The following MTAP variants were observed in gnomAD, a reference collection of about 807,000 sequenced individuals.
MTAP encodes the protein S-methyl-5'-thioadenosine phosphorylase.
In MTAP, 33 loss-of-function variants were observed where a neutral mutation model predicts 33.6. The ratio of observed to expected loss-of-function variants is 0.98; its 90% confidence interval spans 0.74 to 1.31. The LOEUF (loss-of-function observed/expected upper bound fraction) is 1.31. MTAP is among the 40% of genes most tolerant of loss of function. The probability of loss-of-function intolerance (pLI) is 0.00; values close to 1 mark genes in which losing one functional copy is unlikely to be tolerated. For synonymous variants in MTAP, 148 were observed against 125.7 expected (o/e 1.18, Z -1.19); for missense variants, 367 against 360.0 (o/e 1.02, Z -0.16).
intron 1 of MTAP, chr9:21,929,802 A>G (rs889687497): frequency 4.6e-6 from 1 of 216,306 alleles, no homozygotes; most frequent in South Asian, 7.8e-5. Context: ...ATCTTTTCTA[A>G]TATCACTTTA....
At chr9:21,913,303 A>T (rs1280112791) in intron 1 of MTAP, among the ~76,000 whole-genome samples, 4 of 152,238 alleles carry the variant, frequency 2.6e-5, no homozygotes, top group Admixed American at 2.6e-4. Flanking sequence ...GGAACCAAAA[A>T]AGAGCCTGCA....
At chr9:21,838,157 CCTGTTGCTA>C in intron 5 of MTAP, 147 bp downstream of exon 5, 3 of 629,078 alleles carry the variant, frequency 4.8e-6, no homozygotes, top group Admixed American at 3.0e-5. Context: ...AGAGTTATTT[CCTGTTGCTA>C]ATAATTTCCT....
intron 1 of MTAP, among the ~76,000 whole-genome samples, chr9:21,928,557 CT>C (rs1818905550): frequency 6.6e-6 from 1 of 152,186 alleles, no homozygotes; most frequent in African/African-American, 2.4e-5. Flanking sequence ...CCTAAAGGAA[CT>C]CATTCCCTGC....
In MTAP at chr9:21,862,211, G is replaced by T. The variant is rs1825768502; in HGVS notation, c.*197G>T. 1 of 1,296,178 alleles carries T rather than the reference G, an allele frequency of 7.7e-7. No homozygotes were observed. Among genetic ancestry groups the T allele is most frequent in the Non-Finnish European group, 9.9e-7 (1 of 1,014,632 alleles). The allele number at this position is 1,296,178 out of a possible 1,614,324, so 80.3% of individuals were successfully genotyped here. ...ATTTAGACAACTTCAAAATACAGAA[G>T]AAAAGCAAATGACTAGTAAACATGT... On this transcript the variant is annotated 3_prime_UTR_variant, in exon 8 of 8. Transcript: ENST00000644715.
chr9:21,930,413 G>A, intron 1 of MTAP: 1 of 210,228 alleles, frequency 4.8e-6, no homozygotes, highest in East Asian at 1.3e-4. Context: ...TTGTACCATA[G>A]ATTATGTACC....
intron 5 of MTAP, among the ~76,000 whole-genome samples, chr9:21,847,256 ATACT>A (rs919952070): frequency 1.3e-5 from 2 of 152,214 alleles, no homozygotes; most frequent in Admixed American, 1.3e-4. Context: ...ATGTGAGTTA[ATACT>A]TAATAAACTC....
intron 2 of MTAP, 110 bp from the exon 3 acceptor site, chr9:21,816,604 G>A: frequency 1.2e-6 from 1 of 853,050 alleles, no homozygotes; most frequent in Non-Finnish European, 1.8e-6. Context: ...TCTCTAAGTT[G>A]TATCCTCAGA....
At chr9:21,869,719 A>G (rs1175947548), downstream of MTAP, among the ~76,000 whole-genome samples, 1 of 152,188 alleles carries the variant, frequency 6.6e-6, no homozygotes, top group East Asian at 1.9e-4. Flanking sequence ...CAAATATGTC[A>G]AGATACTGAC....
At chr9:21,810,789 C>A (rs1824326300) in intron 1 of MTAP, among the ~76,000 whole-genome samples, 1 of 152,166 alleles carries the variant, frequency 6.6e-6, no homozygotes, top group South Asian at 2.1e-4. Flanking sequence ...AGGGGAGATA[C>A]AATTCCATCC....
chr9:21,908,614 T>C (rs1818513492), intron 1 of MTAP, among the ~76,000 whole-genome samples: 1 of 152,132 alleles, frequency 6.6e-6, no homozygotes, highest in South Asian at 2.1e-4. Context: ...TGTCTTTTAA[T>C]TTGTGTAGTT....
chr9:21,924,859 G>A (rs758493400), intron 1 of MTAP, among the ~76,000 whole-genome samples: 1 of 152,224 alleles, frequency 6.6e-6, no homozygotes, highest in Non-Finnish European at 1.5e-5. Flanking sequence ...AACAGAACTA[G>A]GGAAGTTTAT....
chr9:21,895,424 A>T (rs978621857), intron 1 of MTAP, among the ~76,000 whole-genome samples: 1 of 152,352 alleles, frequency 6.6e-6, no homozygotes, highest in Non-Finnish European at 1.5e-5. Context: ...GCAGAAGACC[A>T]GTGATTTCTG....
chr9:21,848,055 A>T (rs1825424167), intron 5 of MTAP, among the ~76,000 whole-genome samples: 1 of 152,174 alleles, frequency 6.6e-6, no homozygotes, highest in Non-Finnish European at 1.5e-5. Context: ...AAGTGGCAGC[A>T]TCCCCTCCCT....
chr9:21,847,813 G>A (rs1255630547), intron 5 of MTAP, among the ~76,000 whole-genome samples: 1 of 152,202 alleles, frequency 6.6e-6, no homozygotes, highest in African/African-American at 2.4e-5. Flanking sequence ...AGCTGAAATT[G>A]TGGAAAAACA....
At chr9:21,932,673 A>G (rs1027619917), downstream of MTAP, 2 of 152,086 alleles carry the variant, frequency 1.3e-5, no homozygotes, top group Non-Finnish European at 2.9e-5. Context: ...AGCCCCATTC[A>G]TCCCCCAAAC....
intron 1 of MTAP, among the ~76,000 whole-genome samples, chr9:21,904,757 A>G (rs1818448322): frequency 6.6e-6 from 1 of 152,208 alleles, no homozygotes; most frequent in Non-Finnish European, 1.5e-5. Flanking sequence ...AATTGTCTCG[A>G]TCTACTTAGA....
intron 1 of MTAP, among the ~76,000 whole-genome samples, chr9:21,805,209 C>T (rs56726889): frequency 6.6e-6 from 1 of 151,832 alleles, no homozygotes; most frequent in South Asian, 2.1e-4. Flanking sequence ...GAGATATTAA[C>T]GGGGTGGATC....
At chr9:21,891,711 T>G (rs977820044) in intron 1 of MTAP, among the ~76,000 whole-genome samples, 2 of 152,154 alleles carry the variant, frequency 1.3e-5, no homozygotes, top group African/African-American at 4.8e-5. Flanking sequence ...TTAATGAGAC[T>G]GTGCACAAAA....
At chr9:21,917,294 AGT>A (rs1473565478) in intron 1 of MTAP, among the ~76,000 whole-genome samples, 1 of 152,212 alleles carries the variant, frequency 6.6e-6, no homozygotes. Flanking sequence ...TAAATTTCTG[AGT>A]GGTCCACATA....
Sources: allele counts gnomAD v4.1 joint callset (sites outside exome capture counted in the v4.1 genomes callset), GRCh38; gene constraint gnomAD v4.1.1; transcripts MANE v1.5; gene names NCBI Gene and HGNC (gene_info 2026-07-23, HGNC 2026-07-21).